Variants in TNXB observed in about 807,000 individuals in gnomAD.
TNXB encodes the protein tenascin-X.
In TNXB, 183 loss-of-function variants were observed where a neutral mutation model predicts 340.5. The ratio of observed to expected loss-of-function variants is 0.54; its 90% confidence interval spans 0.48 to 0.61. TNXB has a LOEUF of 0.61. Ranked by LOEUF, TNXB falls within the 20% of genes least tolerant of loss-of-function variation. The pLI is 0.00. For missense variants in TNXB, 4,613 were observed against 5,446.4 expected (o/e 0.85, Z 4.82); for synonymous variants, 2,121 against 2,314.5 (o/e 0.92, Z 2.40).
chr6:32,091,174 G>A (rs780063360), intron 4 of TNXB, among the ~76,000 whole-genome samples: 7 of 152,148 alleles, frequency 4.6e-5, no homozygotes, highest in Non-Finnish European at 8.8e-5. Context: ...GCAATGGCGC[G>A]ATCTCAGCTC....
rs981886961 is a variant in TNXB at position 32,082,189 on chromosome 6, C to A, written c.3583G>T (p.Asp1195Tyr). The A allele has an allele frequency of 1.3e-5, 21 of 1,612,724 alleles. No individual in the cohort carries two copies. The highest frequency in any genetic ancestry group is 1.7e-5 in the Non-Finnish European group (20 of 1,179,682). The part of the protein sequence containing the change: ...QFDTFMVQYR[D>Y]RDGRPQVVPV... ...ACCACCTGGGGCCGTCCATCCCTGT[C>A]CCTGTACTGGACCATGAAGGTGTCA... The change falls in exon 9 of 44, where the codon GAC becomes TAC. Residue 1195 changes from aspartate (D) to tyrosine (Y), a missense_variant. By Grantham distance (160) the Asp-to-Tyr change is radical. Around this residue, in one of 7 missense-constraint regions of TNXB, gnomAD observed 4,327 missense variants for 4,859.4 expected, o/e 0.89. Transcript: ENST00000644971. This position sits in a 1 kb window ranked among gnomAD's most constrained non-coding sequence, Gnocchi z 5.0.
Position 32,087,780 on chromosome 6 carries a change from G to T in TNXB, c.2779+1005C>A, listed in dbSNP as rs1346300406. 1 of 511,120 alleles carries T rather than the reference G, an allele frequency of 2.0e-6. No homozygotes were observed. Among genetic ancestry groups the T allele is most frequent in the Admixed American group, 2.0e-5 (1 of 51,150 alleles). 31.7% of individuals were successfully genotyped at this position (511,120 alleles called of 1,614,324 possible). On this transcript the variant is annotated intron_variant, in intron 6 of 43. Transcript: ENST00000644971. This position sits in a 1 kb window ranked among gnomAD's most constrained non-coding sequence, Gnocchi z 9.0. ...GGCGCTCCAGGTCCTGCACCGTGCCGCGGAAACGGCTCAGCTCGGCCGTCA... is the reference window on the plus strand; with the variant it reads ...GGCGCTCCAGGTCCTGCACCGTGCCTCGGAAACGGCTCAGCTCGGCCGTCA...
chr6:32,104,945 T>G (rs1336640080), intron 1 of TNXB, among the ~76,000 whole-genome samples: 1 of 152,076 alleles, frequency 6.6e-6, no homozygotes, highest in East Asian at 1.9e-4. Flanking sequence ...CCCTGACCCT[T>G]CCCTCTGCTT....
In TNXB at chr6:32,077,074, C is replaced by T. The variant is rs2021783; in HGVS notation, c.4375+1959G>A. Among the ~76,000 whole-genome samples, 2,004 of 152,302 alleles carry T rather than the reference C, an allele frequency of 0.013. 137 individuals carry two copies. The East Asian group carries it at 0.21, about 16-fold the overall frequency. On this transcript the variant is annotated intron_variant, in intron 11 of 43. Transcript: ENST00000644971. ...CTCAGTTTGTCAGATTCCCAAACTC[C>T]ATTTATCTCTACTGCACCGACTTGG...
chr6:32,061,462 T>A lies in TNXB; in HGVS notation c.7427A>T (p.Lys2476Met). 6.2e-7 allele frequency: 1 copy of A among 1,613,394 alleles called. No homozygotes were observed. The highest frequency in any genetic ancestry group is 8.5e-7 in the Non-Finnish European group (1 of 1,179,842). Reference protein sequence around the residue: ...VGGLEPGRKYKMHLYGLHEGR... With the variant: ...VGGLEPGRKYMMHLYGLHEGR... ...CTCGTGGAGGCCATACAGGTGCATC[T>A]TGTATTTGCGCCCAGGCTCCAGGCC... Residue 2476 changes from lysine to methionine, a missense_variant, in exon 21 of 44, where the codon AAG becomes ATG. This residue lies in a region of TNXB where 4,327 missense variants were observed against 4,859.4 expected (regional missense o/e 0.89). Transcript: ENST00000644971. The surrounding 1 kb of genome is among the most constrained non-coding windows in gnomAD (Gnocchi z 4.4).
In TNXB at chr6:32,088,867, C is replaced by T; in HGVS notation, c.2697G>A (p.Met899Ile). The T allele has an allele frequency of 1.9e-6, 3 of 1,584,978 alleles. No homozygotes were observed. The South Asian group carries it at 3.5e-5, about 18-fold the overall frequency. Residue 899 changes from methionine (M) to isoleucine (I), a missense_variant, in exon 6 of 44, where the codon ATG becomes ATA. By Grantham distance (10) the Met-to-Ile change is conservative. This residue lies in a region of TNXB where 4,327 missense variants were observed against 4,859.4 expected (regional missense o/e 0.89). Coordinates refer to ENST00000644971, the MANE Select transcript of TNXB (RefSeq NM_001365276.2). ...EADGTLLTDL[M>I]PGVEYVVTVT... ...CAGTCACCACATATTCTACGCCTGG[C>T]ATCAGGTCAGTCAGCAGCGTCCCGT...
chr6:32,106,878 A>G (rs190978748), intron 1 of TNXB, among the ~76,000 whole-genome samples: 13 of 152,352 alleles, frequency 8.5e-5, no homozygotes, highest in African/African-American at 3.1e-4. Context: ...ATGTACACTT[A>G]CAAATATATT....
rs1244521853 is a variant in TNXB at position 32,041,443 on chromosome 6, C to G, written c.12641G>C (p.Ser4214Thr). ...CTCGAAGCCCTTCCAGTGGTACCAG[C>G]TCACTCCCTGGGAAAGGGGTTGTCA... is the stretch of plus-strand genomic sequence containing the variant. ...YGSTVDHQGV[S>T]WYHWKGFEFS... The change falls in exon 44 of 44, where the codon AGC (serine) becomes ACC (threonine). Residue 4214 changes from serine (S) to threonine (T), a missense_variant. Transcript: ENST00000644971. 2 of 943,714 alleles carry G rather than the reference C, an allele frequency of 2.1e-6. No individual in the cohort carries two copies. Among genetic ancestry groups the G allele is most frequent in the Admixed American group, 2.0e-5 (1 of 49,928 alleles). The allele number at this position is 943,714 out of a possible 1,614,324, so 58.5% of individuals were successfully genotyped here. A position where few individuals can be genotyped will look rare whatever the true frequency, so the allele number is the denominator to read the frequency against.
chr6:32,053,933 C>A (rs1777469746), intron 24 of TNXB, among the ~76,000 whole-genome samples: 4 of 150,456 alleles, frequency 2.7e-5, no homozygotes. Context: ...ACCCAGGCCA[C>A]CTCTCCCTGT....
chr6:32,100,208 G>A (rs1183893405), intron 1 of TNXB, among the ~76,000 whole-genome samples: 1 of 151,674 alleles, frequency 6.6e-6, no homozygotes, highest in African/African-American at 2.4e-5. Flanking sequence ...AGGTTCAAGT[G>A]ATTCTCCTAC....
chr6:32,103,607 C>A (rs187871989), intron 1 of TNXB, among the ~76,000 whole-genome samples: 22 of 152,228 alleles, frequency 1.4e-4, no homozygotes, highest in Admixed American at 1.3e-3. Flanking sequence ...CTCCAACCCA[C>A]CAAACAGCTC....
rs62402693 is a variant in TNXB at position 32,045,210 on chromosome 6, A to G, written c.10723T>C (p.Ser3575Pro). The change falls in exon 32 of 44, where the codon TCG (serine) becomes CCG (proline). Residue 3575 changes from serine (S) to proline (P), a missense_variant. By Grantham distance (74) the Ser-to-Pro change is moderately conservative (BLOSUM62 -1). Transcript: ENST00000644971. The stretch of plus-strand genomic sequence containing the variant: ...AAGGGGCCCTGGGCCACGCTCCACG[A>G]GAGGCGCATGGAGTCTGGGGTTGTG... ...TDTTPDSMRLSWSVAQGPFDS... is the reference protein window; with the variant it reads ...TDTTPDSMRLPWSVAQGPFDS... 187,661 of 1,553,184 alleles carry G rather than the reference A, an allele frequency of 0.12. 1 individual carries two copies. The highest frequency in any genetic ancestry group is 0.26 in the African/African-American group (18,002 of 68,958).
chr6:32,052,945 G>C lies in TNXB; in HGVS notation c.8840C>G (p.Pro2947Arg), dbSNP rs558453501. The change falls in exon 26 of 44, where the codon CCG (proline) becomes CGG (arginine). Residue 2947 changes from proline to arginine, a missense_variant. By Grantham distance (103) the Pro-to-Arg change is moderately radical. This residue lies in a region of TNXB where 4,327 missense variants were observed against 4,859.4 expected (regional missense o/e 0.89). Transcript: ENST00000644971. This position sits in a 1 kb window ranked among gnomAD's most constrained non-coding sequence, Gnocchi z 4.7. ...CAGGAGCGGCTCCTCAGGGGGCTCC[G>C]GGGCCTCCGTGCTGGGTTCTGTGGG... Reference protein sequence around the residue: ...PAPTEPSTEAPEPPEEPLLGE... With the variant: ...PAPTEPSTEAREPPEEPLLGE... 68 of 1,612,588 alleles carry C rather than the reference G, an allele frequency of 4.2e-5. No individual in the cohort carries two copies. The African/African-American group carries it at 7.6e-4, about 18-fold the overall frequency.
Position 32,067,817 on chromosome 6 carries a change from T to C in TNXB, c.6388A>G (p.Lys2130Glu), listed in dbSNP as rs762259752. 1 of 1,613,274 alleles carries C rather than the reference T, an allele frequency of 6.2e-7. No homozygotes were observed. The highest frequency in any genetic ancestry group is 1.3e-5 in the African/African-American group (1 of 74,884). Residue 2130 changes from lysine to glutamate, a missense_variant, in exon 18 of 44, where the codon AAG becomes GAG. Lys to Glu is a moderately conservative substitution (Grantham distance 56). Coordinates refer to ENST00000644971, the MANE Select transcript of TNXB (RefSeq NM_001365276.2). The surrounding 1 kb of genome is among the most constrained non-coding windows in gnomAD (Gnocchi z 4.2). ...ACCTGGGGCCGCCCGTCCCTGTCCT[T>C]GTACTGCACGGTGAAGGAGTCGAAG... ...GRFDSFTVQY[K>E]DRDGRPQVVR...
Position 32,042,493 on chromosome 6 carries a change from C to G in TNXB, c.12172G>C (p.Val4058Leu), listed in dbSNP as rs763223867. ...CCATCAGTCTCCATGTCGCAAAACA[C>G]GTTCAGGGGCCGCTCGCGGTTGCCG... Reference protein sequence around the residue: ...LNGNRERPLNVFCDMETDGGG... With the variant: ...LNGNRERPLNLFCDMETDGGG... Residue 4058 changes from valine to leucine, a missense_variant, in exon 40 of 44, where the codon GTG becomes CTG. By Grantham distance (32) the Val-to-Leu change is conservative (BLOSUM62 1). This residue lies in a region of TNXB where 121 missense variants were observed against 177.4 expected (regional missense o/e 0.68). Coordinates refer to ENST00000644971, the MANE Select transcript of TNXB (RefSeq NM_001365276.2). The G allele has an allele frequency of 5.0e-6, 8 of 1,612,824 alleles. No homozygotes were observed. Among genetic ancestry groups the G allele is most frequent in the Non-Finnish European group, 6.8e-6 (8 of 1,179,990 alleles).
At chr6:32,086,983 T>C (rs1779813055) in intron 6 of TNXB, among the ~76,000 whole-genome samples, 1 of 152,198 alleles carries the variant, frequency 6.6e-6, no homozygotes, top group African/African-American at 2.4e-5. Flanking sequence ...ATAACAATCC[T>C]GGAAGTGTCC....
rs1478085898 is a variant in TNXB at position 32,081,591 on chromosome 6, G to T, written c.3819C>A (p.Thr1273=). Reference sequence around the variant, plus strand: ...TCCATGAGAGACGCAAGGAGTCTGGGGTCACGCCGGTCACTGTCAGTTCCC... The same window carrying T: ...TCCATGAGAGACGCAAGGAGTCTGGTGTCACGCCGGTCACTGTCAGTTCCC... ...LLGELTVTGV[T]PDSLRLSWTV... is the part of the protein sequence containing the mutation. The change falls in exon 10 of 44, where the codon ACC becomes ACA. Residue 1273 remains threonine (T), a synonymous_variant. Coordinates refer to ENST00000644971, the MANE Select transcript of TNXB (RefSeq NM_001365276.2). The surrounding 1 kb of genome is among the most constrained non-coding windows in gnomAD (Gnocchi z 5.1). 2 of 1,601,294 alleles carry T rather than the reference G, an allele frequency of 1.2e-6. No individual in the cohort carries two copies. The highest frequency in any genetic ancestry group is 1.7e-6 in the Non-Finnish European group (2 of 1,174,656).
At chr6:32,065,601 G>A (rs1778293399) in intron 18 of TNXB, among the ~76,000 whole-genome samples, 1 of 152,116 alleles carries the variant, frequency 6.6e-6, no homozygotes, top group Non-Finnish European at 1.5e-5. Flanking sequence ...TATGCTAATT[G>A]TATTGTGGAA....
At position 32,058,622 on chromosome 6, in the gene TNXB, A is replaced by G. The variant is rs1396790404; in HGVS notation, c.7493-232T>C. Among the ~76,000 whole-genome samples, 5 of 151,804 alleles carry G rather than the reference A, an allele frequency of 3.3e-5. No homozygotes were observed. Among genetic ancestry groups the G allele is most frequent in the African/African-American group, 1.2e-4 (5 of 41,108 alleles). On this transcript the variant is annotated intron_variant, in intron 21 of 43. Transcript: ENST00000644971. The surrounding 1 kb of genome is among the most constrained non-coding windows in gnomAD (Gnocchi z 5.1). ...CACTGTTAGAAACCTCCAGAAGGCAACTGAGACATAGTGTCAGGAGCCAAA... is the reference window on the plus strand; with the variant it reads ...CACTGTTAGAAACCTCCAGAAGGCAGCTGAGACATAGTGTCAGGAGCCAAA...
Sources: allele counts gnomAD v4.1 joint callset (sites outside exome capture counted in the v4.1 genomes callset), GRCh38; gene constraint gnomAD v4.1.1; regional missense constraint gnomAD v4.1.1; non-coding constraint Gnocchi (gnomAD v3.1); transcripts MANE v1.5; gene names NCBI Gene and HGNC (gene_info 2026-07-23, HGNC 2026-07-21).